KLRF1: variants seen among roughly 807,000 people sequenced by gnomAD.
The protein encoded by KLRF1 is killer cell lectin like receptor F1, also known as killer cell lectin-like receptor subfamily F member 1.
A neutral mutation model predicts 30.7 loss-of-function variants in KLRF1; 27 were observed. The ratio of observed to expected loss-of-function variants is 0.88; its 90% CI spans 0.65 to 1.21. The LOEUF (loss-of-function observed/expected upper bound fraction) is 1.21, where lower values mean the gene tolerates loss of function less well. Ranked by LOEUF, KLRF1 falls within the 50% of genes most tolerant of loss-of-function variation. The pLI is 0.00. For synonymous variants in KLRF1, 92 were observed against 89.3 expected, an observed-to-expected ratio of 1.03 and a Z score of -0.17; for missense variants, 246 against 259.3, an observed-to-expected ratio of 0.95 and a Z score of 0.35.
At chr12:9,830,421 T>A (rs778061937) in intron 1 of KLRF1, among the ~76,000 whole-genome samples, 159 of 152,246 alleles carry the variant, frequency 1.0e-3, no homozygotes, top group Non-Finnish European at 2.0e-3. Context: ...CTTCATTGAA[T>A]TATATATTAC....
the KLRF1 span, among the ~76,000 whole-genome samples, chr12:9,819,648 C>G: frequency 6.6e-6 from 1 of 152,050 alleles, no homozygotes; most frequent in Admixed American, 6.5e-5. Context: ...AGGTCTGTAC[C>G]CCTCTGGGAT....
upstream of KLRF1, among the ~76,000 whole-genome samples, chr12:9,823,593 G>GCCAA (rs1254206393): frequency 4.6e-5 from 7 of 152,144 alleles, no homozygotes; most frequent in Non-Finnish European, 7.4e-5. Flanking sequence ...AGAAGTAAGA[G>GCCAA]CCAACCAACC....
In KLRF1 at chr12:9,841,942, A is replaced by G. The variant is rs1174367336; in HGVS notation, c.465A>G (p.Gln155=). The G allele has an allele frequency of 6.2e-7, 1 of 1,611,118 alleles. No homozygotes were observed. The highest frequency in any genetic ancestry group is 1.7e-5 in the Admixed American group (1 of 59,564). The stretch of plus-strand genomic sequence containing the variant: ...CTCATCTACTAATCATACATGACCA[A>G]CTTGAAATGGTAATTGGTCTAGTAT... ...RKSHLLIIHD[Q]LEMAFIQKNL... is the part of the protein sequence containing the mutation. The change falls in exon 4 of 6, where the codon CAA becomes CAG. Residue 155 remains glutamine, a synonymous_variant. Transcript: ENST00000617889.
At chr12:9,826,111 A>G (rs76770096), upstream of KLRF1, among the ~76,000 whole-genome samples, 1,713 of 152,286 alleles carry the variant, frequency 0.011, 31 homozygotes, top group African/African-American at 0.039. Flanking sequence ...AAAAGGGTAT[A>G]TTGTGTTTTT....
chr12:9,825,738 C>A (rs1240213379), upstream of KLRF1, among the ~76,000 whole-genome samples: 2 of 152,168 alleles, frequency 1.3e-5, no homozygotes, highest in African/African-American at 4.8e-5. Flanking sequence ...AGATAATCTA[C>A]AGAATGGGAG....
chr12:9,816,733 CTTTT>C, the KLRF1 span, among the ~76,000 whole-genome samples: 290 of 132,822 alleles, frequency 2.2e-3, 1 homozygote, highest in African/African-American at 6.9e-3. Flanking sequence ...GCATTCTCTT[CTTTT>C]TTTTTTTTTT....
chr12:9,820,430 C>T, the KLRF1 span, among the ~76,000 whole-genome samples: 6 of 152,140 alleles, frequency 3.9e-5, no homozygotes, highest in Non-Finnish European at 7.4e-5. Context: ...CTGTGGCTCT[C>T]GAGCCAGTAG....
In KLRF1 at chr12:9,832,430, C is replaced by G; in HGVS notation, c.184+16C>G. 7.5e-7 allele frequency: 1 copy of G among 1,339,670 alleles called. No homozygotes were observed. Among genetic ancestry groups the G allele is most frequent in the Non-Finnish European group, 1.1e-6 (1 of 940,734 alleles). The allele number at this position is 1,339,670 out of a possible 1,614,324, so 83.0% of individuals were successfully genotyped here. On this transcript the variant is annotated intron_variant, in intron 2 of 5. Coordinates refer to ENST00000617889, the MANE Select transcript of KLRF1 (RefSeq NM_016523.3). ...ATCCTGTTGGGTAAGTTTAGAAGAT[C>G]TTAATTAAATAAAAATATGAAAGAT...
chr12:9,844,577 A>G lies in KLRF1; in HGVS notation c.*51A>G, dbSNP rs1378997656. The G allele has an allele frequency of 1.0e-6, 1 of 999,046 alleles. No individual in the cohort carries two copies. The highest frequency in any genetic ancestry group is 1.5e-6 in the Non-Finnish European group (1 of 648,772). 61.9% of individuals were successfully genotyped at this position (999,046 alleles called of 1,614,324 possible). On this transcript the variant is annotated 3_prime_UTR_variant, in exon 6 of 6. Transcript: ENST00000617889. ...AATCAATGATCACTATTTTTGGCCTATTAGTTTCTAATATTAATCTCCAGG... is the reference window on the plus strand; with the variant it reads ...AATCAATGATCACTATTTTTGGCCTGTTAGTTTCTAATATTAATCTCCAGG...
the KLRF1 span, among the ~76,000 whole-genome samples, chr12:9,814,070 C>G: frequency 6.6e-6 from 1 of 152,150 alleles, no homozygotes; most frequent in Non-Finnish European, 1.5e-5. Flanking sequence ...CCCCACACAC[C>G]GGGAGGGCTG....
chr12:9,811,145 A>G, the KLRF1 span, among the ~76,000 whole-genome samples: 4 of 151,690 alleles, frequency 2.6e-5, no homozygotes, highest in Non-Finnish European at 4.4e-5. Context: ...GTCAGCCTCA[A>G]TGAAAAGAAG....
At chr12:9,842,163 G>C in intron 4 of KLRF1, 158 bp from the exon 5 acceptor site, 3 of 814,690 alleles carry the variant, frequency 3.7e-6, no homozygotes, top group Non-Finnish European at 5.6e-6. Context: ...GTGTGTGTGT[G>C]TAACATATAT....
chr12:9,803,327 CTT>C, the KLRF1 span, among the ~76,000 whole-genome samples: 4 of 152,076 alleles, frequency 2.6e-5, no homozygotes, highest in African/African-American at 7.2e-5. Flanking sequence ...GGATTAGAGA[CTT>C]AAGTGTGAAA....
At chr12:9,816,922 A>T in the KLRF1 span, among the ~76,000 whole-genome samples, 1 of 151,246 alleles carries the variant, frequency 6.6e-6, no homozygotes, top group Non-Finnish European at 1.5e-5. Flanking sequence ...TTTATTAGAG[A>T]TGGGGTTTCA....
chr12:9,800,309 A>G, the KLRF1 span, among the ~76,000 whole-genome samples: 1 of 152,140 alleles, frequency 6.6e-6, no homozygotes, highest in South Asian at 2.1e-4. Flanking sequence ...TTTTCAAAGA[A>G]AATTTTAAAT....
chr12:9,826,730 T>C (rs1371477530), upstream of KLRF1, among the ~76,000 whole-genome samples: 1 of 152,170 alleles, frequency 6.6e-6, no homozygotes, highest in Non-Finnish European at 1.5e-5. Flanking sequence ...GGAACATAGA[T>C]GAAGCTAGAG....
At chr12:9,830,135 C>T (rs187729285) in intron 1 of KLRF1, among the ~76,000 whole-genome samples, 166 of 152,118 alleles carry the variant, frequency 1.1e-3, no homozygotes, top group African/African-American at 3.8e-3. Context: ...GGACACTTGT[C>T]GAGTTTCTGT....
intron 3 of KLRF1, among the ~76,000 whole-genome samples, chr12:9,838,119 C>T (rs1200742792): frequency 6.6e-6 from 1 of 152,148 alleles, no homozygotes; most frequent in Non-Finnish European, 1.5e-5. Flanking sequence ...GGCAATCTTT[C>T]CTTCTGCACC....
the KLRF1 span, among the ~76,000 whole-genome samples, chr12:9,813,448 G>C: frequency 6.6e-6 from 1 of 152,040 alleles, no homozygotes; most frequent in Non-Finnish European, 1.5e-5. Flanking sequence ...GGGAGTACAA[G>C]CGCAGGCCCC....
Sources: allele counts gnomAD v4.1 joint callset (sites outside exome capture counted in the v4.1 genomes callset), GRCh38; gene constraint gnomAD v4.1.1; transcripts MANE v1.5; gene names NCBI Gene and HGNC (gene_info 2026-07-23, HGNC 2026-07-21).